KIAA1217: variants seen among roughly 807,000 people sequenced by gnomAD.
KIAA1217 encodes sickle tail protein homolog.
Under a neutral mutation model 163.9 loss-of-function variants are expected in KIAA1217, and 88 were observed. The observed-to-expected ratio is 0.54, with a 90% CI of 0.45 to 0.64. The LOEUF is 0.64. Ranked by LOEUF, KIAA1217 falls within the 30% of genes least tolerant of loss-of-function variation. The pLI, the probability that KIAA1217 is intolerant of heterozygous loss-of-function variation, is 0.00. For synonymous variants in KIAA1217, 903 were observed against 923.1 expected, an observed-to-expected ratio of 0.98 and a Z score of 0.39; for missense variants, 2,372 against 2,475.0, an observed-to-expected ratio of 0.96 and a Z score of 0.88.
chr10:24,348,805 T>C (rs911194825), intron 2 of KIAA1217, among the ~76,000 whole-genome samples: 12 of 152,076 alleles, frequency 7.9e-5, no homozygotes, highest in Non-Finnish European at 1.5e-4. Context: ...AAAGAGTAGA[T>C]AGCGTTCTGA....
chr10:23,896,326 A>C (rs1156895295), intron 1 of KIAA1217, among the ~76,000 whole-genome samples: 4 of 152,080 alleles, frequency 2.6e-5, no homozygotes, highest in Admixed American at 6.6e-5. Flanking sequence ...GCACTTCTGC[A>C]TGAATTTGTC....
intron 3 of KIAA1217, among the ~76,000 whole-genome samples, chr10:24,423,462 T>C (rs2058922073): frequency 6.6e-6 from 1 of 150,936 alleles, no homozygotes; most frequent in Non-Finnish European, 1.5e-5. Flanking sequence ...TTTTTGTTTT[T>C]TTGTTTTGTT....
chr10:24,436,561 A>T (rs541914302), intron 4 of KIAA1217, among the ~76,000 whole-genome samples: 45 of 151,848 alleles, frequency 3.0e-4, no homozygotes, highest in Non-Finnish European at 4.4e-4. Context: ...GATCGAGACC[A>T]TCCTGGTTAA....
chr10:24,482,234 G>A (rs1372059288), intron 6 of KIAA1217: 9 of 152,316 alleles, frequency 5.9e-5, no homozygotes, highest in South Asian at 2.1e-4. Flanking sequence ...AAAAGGCGTC[G>A]TCTGTCACTA....
At chr10:24,501,303 T>G (rs1027374394) in intron 8 of KIAA1217, 76 bp from the exon 9 acceptor site, 2 of 1,365,248 alleles carry the variant, frequency 1.5e-6, no homozygotes, top group African/African-American at 1.5e-5. Flanking sequence ...TTACCAGTCA[T>G]CTGCATTGGG....
intron 9 of KIAA1217, among the ~76,000 whole-genome samples, chr10:24,512,291 A>G (rs1459858689): frequency 6.6e-6 from 1 of 152,218 alleles, no homozygotes. Flanking sequence ...ACCGGAAAAC[A>G]GGAAACCATT....
intron 2 of KIAA1217, among the ~76,000 whole-genome samples, chr10:24,273,185 G>A (rs2076932043): frequency 6.6e-6 from 1 of 152,202 alleles, no homozygotes; most frequent in Admixed American, 6.5e-5. Flanking sequence ...ATAGAGAAAA[G>A]GGAGAAATTA....
intron 5 of KIAA1217, among the ~76,000 whole-genome samples, chr10:24,450,769 A>G (rs1032826543): frequency 1.3e-5 from 2 of 152,208 alleles, no homozygotes; most frequent in Non-Finnish European, 2.9e-5. Context: ...CTCAGAGAGG[A>G]ACAAGATCAA....
At chr10:23,715,759 C>T (rs1022033518) in intron 1 of KIAA1217, among the ~76,000 whole-genome samples, 1 of 152,112 alleles carries the variant, frequency 6.6e-6, no homozygotes, top group South Asian at 2.1e-4. Flanking sequence ...GAAGTAATCA[C>T]ATTACCCATA....
chr10:24,192,972 G>A (rs1479392658), intron 2 of KIAA1217, among the ~76,000 whole-genome samples: 6 of 152,100 alleles, frequency 3.9e-5, no homozygotes. Context: ...TGGAGAGATG[G>A]AGTCTTGCTA....
At chr10:23,805,152 T>A (rs1052640927) in intron 1 of KIAA1217, among the ~76,000 whole-genome samples, 7 of 152,106 alleles carry the variant, frequency 4.6e-5, no homozygotes, top group African/African-American at 1.4e-4. Context: ...GACCTAGCAA[T>A]CTCATTAATG....
At chr10:23,840,483 G>A in intron 1 of KIAA1217, among the ~76,000 whole-genome samples, 1 of 152,058 alleles carries the variant, frequency 6.6e-6, no homozygotes, top group Non-Finnish European at 1.5e-5. Flanking sequence ...GTGTTATTGT[G>A]AGTATTTCAA....
At chr10:23,831,614 G>A (rs1045194998) in intron 1 of KIAA1217, among the ~76,000 whole-genome samples, 4 of 152,106 alleles carry the variant, frequency 2.6e-5, no homozygotes, top group South Asian at 2.1e-4. Context: ...AATGTAATAT[G>A]TGTATTAATG....
At chr10:23,717,992 T>C (rs1049906623) in intron 1 of KIAA1217, among the ~76,000 whole-genome samples, 3 of 152,226 alleles carry the variant, frequency 2.0e-5, no homozygotes, top group African/African-American at 7.2e-5. Context: ...TTTTCTTGAA[T>C]CATATTTTAG....
intron 2 of KIAA1217, among the ~76,000 whole-genome samples, chr10:24,316,565 C>A (rs2043401631): frequency 6.6e-6 from 1 of 152,136 alleles, no homozygotes; most frequent in Admixed American, 6.6e-5. Context: ...TCGATCAACT[C>A]CTGACACACC....
intron 20 of KIAA1217, chr10:24,545,554 C>T (rs2075643021): frequency 4.5e-6 from 6 of 1,344,832 alleles, no homozygotes; most frequent in Non-Finnish European, 5.7e-6. Context: ...GCATGGCCCA[C>T]CTGGCACACA....
intron 1 of KIAA1217, among the ~76,000 whole-genome samples, chr10:23,839,453 A>G (rs1201653885): frequency 6.6e-6 from 1 of 152,088 alleles, no homozygotes; most frequent in Non-Finnish European, 1.5e-5. Flanking sequence ...GCTGATATAC[A>G]GGGCAAGCGA....
chr10:23,999,772 T>C (rs924870898), intron 1 of KIAA1217, among the ~76,000 whole-genome samples: 13 of 152,200 alleles, frequency 8.5e-5, no homozygotes, highest in Non-Finnish European at 8.8e-5. Context: ...TCTATTGATT[T>C]ATTAAGATTA....
At position 24,010,886 on chromosome 10, in the gene KIAA1217, G is replaced by A. The variant is rs145375209; in HGVS notation, c.-171+3512G>A. Among the ~76,000 whole-genome samples, 42 of 152,204 alleles carry A rather than the reference G, an allele frequency of 2.8e-4. No individual in the cohort carries two copies. In the East Asian group the frequency reaches 4.5e-3, roughly 16 times the overall value. ...GTCATGGAAGGGAAGCAAAGGAAGT[G>A]CAGAATGACCAAAAGATGGGATTAG... On this transcript the variant is annotated intron_variant, in intron 2 of 18. Coordinates refer to the KIAA1217 transcript ENST00000376462.
Sources: allele counts gnomAD v4.1 joint callset (sites outside exome capture counted in the v4.1 genomes callset), GRCh38; gene constraint gnomAD v4.1.1; transcripts MANE v1.5; gene names NCBI Gene and HGNC (gene_info 2026-07-23, HGNC 2026-07-21).